The following ZMYND11 variants were observed in gnomAD, a reference collection of about 807,000 sequenced individuals.
ZMYND11 encodes the protein zinc finger MYND-type containing 11, also known as zinc finger MYND domain-containing protein 11.
Under a neutral mutation model 84.9 loss-of-function variants are expected in ZMYND11, and 9 were observed. The ratio of observed to expected loss-of-function variants is 0.11; its 90% CI spans 0.06 to 0.18. ZMYND11 has a LOEUF of 0.18. Among genes scored for constraint, ZMYND11 ranks in the 10% least tolerant of loss-of-function variants. The pLI is 1.00. For missense variants in ZMYND11, 409 were observed against 761.0 expected, an observed-to-expected ratio of 0.54 and a Z score of 5.44; for synonymous variants, 250 against 244.1, an observed-to-expected ratio of 1.02 and a Z score of -0.23.
rs748885189 is a variant in ZMYND11, at chr10:248,461, G to A, written c.1353G>A (p.Leu451=). The A allele has an allele frequency of 2.4e-5, 38 of 1,614,042 alleles. No homozygotes were observed. The highest frequency in any genetic ancestry group is 3.2e-5 in the Non-Finnish European group (38 of 1,180,038). The part of the protein sequence containing the change: ...KKLSASSPRM[L]HRSTQTTNDG... ...TAAGTGCCTCTTCACCAAGAATGCT[G>A]CATCGGAGCACCCAGACCACAAACG... The change falls in exon 13 of 15, where the codon CTG becomes CTA. Residue 451 remains leucine (L), a synonymous_variant. Transcript: ENST00000381604.
At chr10:221,169 C>T (rs373877925) in intron 3 of ZMYND11, 26 bp from the exon 4 acceptor site, 5 of 1,607,048 alleles carry the variant, frequency 3.1e-6, no homozygotes, top group Non-Finnish European at 4.3e-6. Flanking sequence ...AAATGTCATA[C>T]AAAACTATTT....
chr10:197,792 T>C, intron 2 of ZMYND11: 2 of 361,884 alleles, frequency 5.5e-6, no homozygotes, highest in Non-Finnish European at 1.0e-5. Flanking sequence ...GCAATTTTAA[T>C]TGAAATGTTA....
intron 2 of ZMYND11, among the ~76,000 whole-genome samples, chr10:203,136 T>C (rs879619065): frequency 2.6e-5 from 4 of 152,210 alleles, no homozygotes; most frequent in Admixed American, 6.5e-5. Context: ...TGAACTGTTA[T>C]AAGAATCCCC....
At chr10:245,808 C>A (rs1429533407) in intron 10 of ZMYND11, among the ~76,000 whole-genome samples, 1 of 152,176 alleles carries the variant, frequency 6.6e-6, no homozygotes, top group Admixed American at 6.5e-5. Flanking sequence ...TTCTTTCTGA[C>A]AAAATTGTAA....
At chr10:135,227 C>T (rs564532151), upstream of ZMYND11, 35 of 151,092 alleles carry the variant, frequency 2.3e-4, no homozygotes, top group East Asian at 4.9e-3. This position sits in a 1 kb window ranked among gnomAD's most constrained non-coding sequence, Gnocchi z 5.6. Flanking sequence ...GCGGTGCCCT[C>T]CCGGCCCTCA....
chr10:195,063 G>A (rs1038813372), intron 2 of ZMYND11, among the ~76,000 whole-genome samples: 8 of 152,110 alleles, frequency 5.3e-5, no homozygotes, highest in Non-Finnish European at 8.8e-5. Context: ...ATGAGACATC[G>A]TGTATACAGA....
At chr10:164,616 G>A (rs1012038168) in intron 1 of ZMYND11, among the ~76,000 whole-genome samples, 7 of 152,106 alleles carry the variant, frequency 4.6e-5, no homozygotes, top group Admixed American at 1.3e-4. Flanking sequence ...TATAAATCCC[G>A]TTTACTCAGA....
At chr10:243,501 T>C (rs1951480536) in intron 10 of ZMYND11, among the ~76,000 whole-genome samples, 1 of 152,362 alleles carries the variant, frequency 6.6e-6, no homozygotes, top group African/African-American at 2.4e-5. Flanking sequence ...TCTTCAACCA[T>C]GAGTGATATT....
At position 158,995 on chromosome 10, in the gene ZMYND11, T is replaced by TG. The variant is rs1316190812; in HGVS notation, c.-19-20999_-19-20998insG. Among the ~76,000 whole-genome samples the TG allele has an allele frequency of 2.0e-3, 300 of 146,700 alleles. 2 individuals carry two copies. Among genetic ancestry groups the TG allele is most frequent in the African/African-American group, 7.1e-3 (283 of 39,912 alleles). On this transcript the variant is annotated intron_variant, in intron 1 of 14. Transcript: ENST00000381604. Reference sequence around the variant, plus strand: ...TTGCAGGGTTTTTTGTTTTTTGTTTTTTTTTTTTTTTTTACATTATGTGGT... The same window carrying TG: ...TTGCAGGGTTTTTTGTTTTTTGTTTTGTTTTTTTTTTTTTACATTATGTGGT...
chr10:246,449 G>A (rs1037461556), intron 10 of ZMYND11, among the ~76,000 whole-genome samples: 2 of 152,216 alleles, frequency 1.3e-5, no homozygotes, highest in Non-Finnish European at 2.9e-5. Flanking sequence ...AAGCTAAGCT[G>A]ATTGAATTGT....
intron 1 of ZMYND11, among the ~76,000 whole-genome samples, chr10:170,482 TG>T (rs1554765399): frequency 2.2e-5 from 3 of 136,462 alleles, no homozygotes; most frequent in Non-Finnish European, 3.2e-5. Flanking sequence ...GTAAAATGAA[TG>T]ACAGTTTATG....
At chr10:241,871 A>G (rs3740303) in intron 9 of ZMYND11, 150 bp from the exon 10 acceptor site, 910,753 of 958,840 alleles carry the variant, frequency 0.95, 433,325 homozygotes, top group South Asian at 0.97. Context: ...AAATCAGTCA[A>G]TCCCAGAAAA....
chr10:152,817 G>A (rs1840722238), intron 1 of ZMYND11, among the ~76,000 whole-genome samples: 1 of 152,274 alleles, frequency 6.6e-6, no homozygotes, highest in Middle Eastern at 3.4e-3. Context: ...TGGAAGTAAA[G>A]CACTCCTCAG....
chr10:209,608 T>G (rs1944813742), intron 2 of ZMYND11, among the ~76,000 whole-genome samples: 2 of 152,212 alleles, frequency 1.3e-5, no homozygotes, highest in African/African-American at 4.8e-5. Context: ...CTTAAGTGAT[T>G]TATATTCGCT....
intron 10 of ZMYND11, among the ~76,000 whole-genome samples, chr10:242,450 C>A (rs757882499): frequency 2.6e-5 from 4 of 152,042 alleles, no homozygotes; most frequent in Admixed American, 2.0e-4. Flanking sequence ...AATGGAATTA[C>A]CATTACCATA....
chr10:148,931 G>A (rs1432986077), intron 1 of ZMYND11, among the ~76,000 whole-genome samples: 2 of 152,186 alleles, frequency 1.3e-5, no homozygotes, highest in Admixed American at 6.5e-5. Flanking sequence ...AATTTTGTCA[G>A]TTTTAAATTA....
chr10:135,504 C>G lies in ZMYND11; in HGVS notation c.-75C>G, dbSNP rs1835739193. 6.5e-6 allele frequency: 1 copy of G among 154,190 alleles called. No individual in the cohort carries two copies. Among genetic ancestry groups the G allele is most frequent in the Non-Finnish European group, 1.4e-5 (1 of 70,070 alleles). The allele number at this position is 154,190 out of a possible 1,614,324, so 9.6% of individuals were successfully genotyped here. A position where few individuals can be genotyped will look rare whatever the true frequency, so the allele number is the denominator to read the frequency against. ...GCCGGGCGGCGGGAAGGAGGCGGCA[C>G]CGGAGGGGAGGGCCGGGCGCGGCGG... is the stretch of plus-strand genomic sequence containing the variant. On this transcript the variant is annotated 5_prime_UTR_variant, in exon 1 of 15. Coordinates refer to ENST00000381604, the MANE Select transcript of ZMYND11 (RefSeq NM_001370100.5). This position sits in a 1 kb window ranked among gnomAD's most constrained non-coding sequence, Gnocchi z 5.6.
intron 2 of ZMYND11, among the ~76,000 whole-genome samples, chr10:182,861 C>T (rs1040058061): frequency 1.3e-5 from 2 of 152,144 alleles, no homozygotes; most frequent in South Asian, 2.1e-4. Context: ...TCTGTACTCT[C>T]GGTAGGTAAA....
intron 10 of ZMYND11, among the ~76,000 whole-genome samples, chr10:243,617 G>A (rs561115890): frequency 5.9e-5 from 9 of 152,308 alleles, no homozygotes; most frequent in Admixed American, 1.3e-4. Context: ...TGTAATCCCT[G>A]CACTTTGGGA....
Sources: allele counts gnomAD v4.1 joint callset (sites outside exome capture counted in the v4.1 genomes callset), GRCh38; gene constraint gnomAD v4.1.1; non-coding constraint Gnocchi (gnomAD v3.1); transcripts MANE v1.5; gene names NCBI Gene and HGNC (gene_info 2026-07-23, HGNC 2026-07-21).